MINDY2: variants seen among roughly 807,000 people sequenced by gnomAD.
The protein encoded by MINDY2 is ubiquitin carboxyl-terminal hydrolase MINDY-2.
Under a neutral mutation model 68.2 loss-of-function variants are expected in MINDY2, and 52 were observed. The observed-to-expected ratio is 0.76, with a 90% CI of 0.61 to 0.96. MINDY2 has a LOEUF of 0.96. Ranked by LOEUF, MINDY2 falls within the 40% of genes least tolerant of loss-of-function variation. The pLI is 0.00. For synonymous variants in MINDY2, 372 were observed against 303.0 expected, an observed-to-expected ratio of 1.23 and a Z score of -2.36; for missense variants, 881 against 773.4, an observed-to-expected ratio of 1.14 and a Z score of -1.65.
intron 5 of MINDY2, among the ~76,000 whole-genome samples, chr15:58,829,729 A>C (rs1420734592): frequency 6.6e-6 from 1 of 152,230 alleles, no homozygotes; most frequent in Non-Finnish European, 1.5e-5. Flanking sequence ...GCAAGTATTC[A>C]ATGAATTTCT....
chr15:58,846,595 CAAA>C lies in MINDY2; in HGVS notation c.1369-684_1369-682del, dbSNP rs11335033. Among the ~76,000 whole-genome samples, 242 of 98,216 alleles carry C rather than the reference CAAA, an allele frequency of 2.5e-3. 2 individuals are homozygous for C. The East Asian group carries it at 0.035, about 14-fold the overall frequency. 64.4% of individuals were successfully genotyped at this position (98,216 alleles called of 152,430 possible). On this transcript the variant is annotated intron_variant, in intron 6 of 8. Transcript: ENST00000559228. ...GCCTGGATGACAAAGTGAGACTCCT[CAAA>C]AAAAAAAAAAAAAAAAATCTCATGT...
At chr15:58,826,885 TCTCCTTTCCTCCCTTGCTTCCTCA>T (rs1260659469) in intron 5 of MINDY2, among the ~76,000 whole-genome samples, 2 of 152,154 alleles carry the variant, frequency 1.3e-5, no homozygotes, top group South Asian at 2.1e-4. Flanking sequence ...TTCCTTCATT[TCTCCTTTCCTCCCTTGCTTCCTCA>T]CTCCTTTCCT....
At chr15:58,828,175 A>C (rs546284329) in intron 5 of MINDY2, among the ~76,000 whole-genome samples, 15 of 152,076 alleles carry the variant, frequency 9.9e-5, no homozygotes, top group Admixed American at 5.2e-4. Context: ...AAAAAATCAT[A>C]TGAGCTTTTA....
chr15:58,858,210 A>G lies in MINDY2; in HGVS notation c.*3600A>G, dbSNP rs1236280106. ...GTTTCAAGGTCAGGTTCAGAGTTGA[A>G]TGAAGTGTAGATTTAAATTTAGGAT... On this transcript the variant is annotated 3_prime_UTR_variant, in exon 9 of 9. Transcript: ENST00000559228. 1 of 152,206 alleles carries G rather than the reference A, an allele frequency of 6.6e-6. No homozygotes were observed. The highest frequency in any genetic ancestry group is 2.4e-5 in the African/African-American group (1 of 41,464). 9.4% of individuals were successfully genotyped at this position (152,206 alleles called of 1,614,324 possible).
intron 2 of MINDY2, 112 bp from the exon 3 acceptor site, chr15:58,802,201 T>C: frequency 1.4e-6 from 1 of 704,828 alleles, no homozygotes. Context: ...CAATTTTATA[T>C]GTCAACTATA....
intron 6 of MINDY2, among the ~76,000 whole-genome samples, chr15:58,837,945 G>GTCTT (rs2032077843): frequency 7.6e-6 from 1 of 131,032 alleles, no homozygotes; most frequent in African/African-American, 3.0e-5. Flanking sequence ...CTCCAACCTG[G>GTCTT]ATGACAGAGT....
In MINDY2 at chr15:58,817,799, C is replaced by T. The variant is rs1244109949; in HGVS notation, c.1123-3918C>T. 2.6e-5 allele frequency: 4 copies of T among 152,162 alleles called. No individual in the cohort carries two copies. In the East Asian group the frequency reaches 7.7e-4, roughly 29 times the overall value. 9.4% of individuals were successfully genotyped at this position (152,162 alleles called of 1,614,324 possible). A position where few individuals can be genotyped will look rare whatever the true frequency, so the allele number is the denominator to read the frequency against. The stretch of plus-strand genomic sequence containing the variant: ...ATGTGCAGCATAGAGAATTCTCATT[C>T]CTTGTGATGAGAGTGGAAATTGGCC... On this transcript the variant is annotated intron_variant, in intron 4 of 8. Transcript: ENST00000559228.
intron 6 of MINDY2, among the ~76,000 whole-genome samples, chr15:58,844,704 G>C (rs553224817): frequency 1.3e-5 from 2 of 151,908 alleles, no homozygotes; most frequent in African/African-American, 4.8e-5. Flanking sequence ...ATCATCTGAG[G>C]TCAGGAGTTC....
intron 2 of MINDY2, among the ~76,000 whole-genome samples, chr15:58,796,837 A>G (rs915973283): frequency 1.3e-5 from 2 of 152,088 alleles, no homozygotes; most frequent in South Asian, 2.1e-4. Flanking sequence ...ATATATAACT[A>G]TATATAATTT....
chr15:58,784,477 A>G (rs779036113), intron 1 of MINDY2, among the ~76,000 whole-genome samples: 1 of 152,148 alleles, frequency 6.6e-6, no homozygotes, highest in Non-Finnish European at 1.5e-5. Context: ...TTCAAATTTT[A>G]CGGAGAATAT....
At chr15:58,796,232 A>C (rs1902276506) in intron 2 of MINDY2, 1 of 438,752 alleles carries the variant, frequency 2.3e-6, no homozygotes, top group Admixed American at 2.5e-5. Context: ...GCATAGTTAG[A>C]ATCTATGCTG....
rs370571725 is a variant in MINDY2 at position 58,847,344 on chromosome 15, G to A, written c.1416G>A (p.Glu472=). The A allele has an allele frequency of 3.1e-6, 5 of 1,597,802 alleles. No individual in the cohort carries two copies. In the South Asian group the frequency reaches 5.6e-5, roughly 18 times the overall value. ...CGGACCAGGGGTTTCTTACTGAAGA[G>A]AAAGTTGTTTGGGAAAGCCTACACA... The part of the protein sequence containing the change: ...LVTDQGFLTE[E]KVVWESLHNV... The change falls in exon 7 of 9, where the codon GAG becomes GAA. Residue 472 remains glutamate, a synonymous_variant. Coordinates refer to ENST00000559228, the MANE Select transcript of MINDY2 (RefSeq NM_001040450.3).
intron 4 of MINDY2, chr15:58,815,280 T>C (rs1304935486): frequency 6.6e-6 from 1 of 152,224 alleles, no homozygotes; most frequent in Non-Finnish European, 1.5e-5. Context: ...TCCCTCCTCA[T>C]TGCCTTAAAA....
In MINDY2 at chr15:58,771,545, C is replaced by T. The variant is rs546842447; in HGVS notation, c.150C>T (p.Gly50=). ...GPGVWAAETS[G]GNGLGAAAAR... ...GGGTATGGGCGGCGGAGACCAGCGGCGGGAATGGGCTGGGGGCGGCGGCCG... is the reference window on the plus strand; with the variant it reads ...GGGTATGGGCGGCGGAGACCAGCGGTGGGAATGGGCTGGGGGCGGCGGCCG... The change falls in exon 1 of 9, where the codon GGC becomes GGT. Residue 50 remains glycine (G), a synonymous_variant. Coordinates refer to ENST00000559228, the MANE Select transcript of MINDY2 (RefSeq NM_001040450.3). 14 of 1,611,454 alleles carry T rather than the reference C, an allele frequency of 8.7e-6. No homozygotes were observed. In the East Asian group the frequency reaches 2.5e-4, roughly 28 times the overall value.
chr15:58,777,707 A>G (rs1322689333), intron 1 of MINDY2, among the ~76,000 whole-genome samples: 1 of 152,184 alleles, frequency 6.6e-6, no homozygotes, highest in Non-Finnish European at 1.5e-5. Flanking sequence ...TCTATTTATT[A>G]CATTTAATTC....
chr15:58,779,546 T>C (rs1409855682), intron 1 of MINDY2, among the ~76,000 whole-genome samples: 3 of 152,240 alleles, frequency 2.0e-5, no homozygotes, highest in Non-Finnish European at 4.4e-5. Context: ...CAAGTGTGTT[T>C]ATTACTTATA....
intron 1 of MINDY2, among the ~76,000 whole-genome samples, chr15:58,776,268 G>T (rs1232875632): frequency 6.6e-6 from 1 of 152,156 alleles, no homozygotes; most frequent in African/African-American, 2.4e-5. Flanking sequence ...ATGTGAGAGT[G>T]ACAAATTGCC....
Position 58,772,174 on chromosome 15 carries a change from A to G in MINDY2, c.779A>G (p.Gln260Arg). 6.2e-7 allele frequency: 1 copy of G among 1,613,988 alleles called. No individual in the cohort carries two copies. Among genetic ancestry groups the G allele is most frequent in the Non-Finnish European group, 8.5e-7 (1 of 1,180,028 alleles). The change falls in exon 1 of 9, where the codon CAG becomes CGG. Residue 260 changes from glutamine (Q) to arginine (R), a missense_variant. Transcript: ENST00000559228. The stretch of plus-strand genomic sequence containing the variant: ...GAAGAGAACACACCCATCATCACCC[A>G]GAATGAGAACGGACCCTGCCCCTTG... ...WKEENTPIIT[Q>R]NENGPCPLLA... is the part of the protein sequence containing the mutation.
At chr15:58,775,293 C>T (rs2140888524) in intron 1 of MINDY2, among the ~76,000 whole-genome samples, 1 of 152,208 alleles carries the variant, frequency 6.6e-6, no homozygotes, top group African/African-American at 2.4e-5. Context: ...GGTCCTCAAT[C>T]ATTTTTAAGA....
Sources: allele counts gnomAD v4.1 joint callset (sites outside exome capture counted in the v4.1 genomes callset), GRCh38; gene constraint gnomAD v4.1.1; transcripts MANE v1.5; gene names NCBI Gene and HGNC (gene_info 2026-07-23, HGNC 2026-07-21).